The following FSD1L variants were observed in gnomAD, a reference collection of about 807,000 sequenced individuals.
The protein encoded by FSD1L is fibronectin type III and SPRY domain containing 1 like.
Under a neutral mutation model 71.6 loss-of-function variants are expected in FSD1L, and 45 were observed. The ratio of observed to expected loss-of-function variants is 0.63; its 90% CI spans 0.49 to 0.81. FSD1L has a LOEUF of 0.81. FSD1L is among the 30% of genes least tolerant of loss of function. The pLI is 0.00. For missense variants in FSD1L, 561 were observed against 618.1 expected (o/e 0.91, Z 0.98); for synonymous variants, 197 against 207.2 (o/e 0.95, Z 0.42).
At chr9:105,465,782 T>A (rs1487584493) in intron 3 of FSD1L, among the ~76,000 whole-genome samples, 1 of 152,004 alleles carries the variant, frequency 6.6e-6, no homozygotes, top group Non-Finnish European at 1.5e-5. Context: ...ATATGTATAA[T>A]AACAATCTCA....
chr9:105,449,941 G>T (rs967223961), intron 1 of FSD1L, among the ~76,000 whole-genome samples: 1 of 152,154 alleles, frequency 6.6e-6, no homozygotes, highest in African/African-American at 2.4e-5. Flanking sequence ...TAGTAGTAAT[G>T]TATCTTATTT....
intron 7 of FSD1L, among the ~76,000 whole-genome samples, chr9:105,494,082 A>G (rs1332565357): frequency 2.0e-5 from 3 of 152,338 alleles, no homozygotes; most frequent in African/African-American, 7.2e-5. Flanking sequence ...CCTGGATAAT[A>G]TCCTGCAGAG....
chr9:105,529,013 A>G lies in FSD1L; in HGVS notation c.1026-5480A>G, dbSNP rs115786719. 9.0e-3 allele frequency among the ~76,000 whole-genome samples: 1,377 copies of G among 152,358 alleles called. 22 individuals carry two copies. The highest frequency in any genetic ancestry group is 0.032 in the African/African-American group (1,320 of 41,582). On this transcript the variant is annotated intron_variant, in intron 10 of 13. Coordinates refer to ENST00000481272, the MANE Select transcript of FSD1L (RefSeq NM_001145313.3). ...AAACATATGCTAACAAAGATATTAAAAAAAATGCTCATCATCACTGGTCAT... is the reference window on the plus strand; with the variant it reads ...AAACATATGCTAACAAAGATATTAAGAAAAATGCTCATCATCACTGGTCAT...
chr9:105,533,414 A>ATTTTTTTTTTTTTTTTTTTTT (rs1271918066), intron 10 of FSD1L, among the ~76,000 whole-genome samples: 5 of 13,372 alleles, frequency 3.7e-4, no homozygotes, highest in Non-Finnish European at 5.0e-4. Flanking sequence ...TGCCATTTCC[A>ATTTTTTTTTTTTTTTTTTTTT]TCTTTTTTTT....
upstream of FSD1L, among the ~76,000 whole-genome samples, chr9:105,444,563 C>A (rs1829602043): frequency 6.6e-6 from 1 of 152,176 alleles, no homozygotes; most frequent in South Asian, 2.1e-4. Flanking sequence ...TGGCACCACT[C>A]AGAGAGGATA....
At chr9:105,524,553 C>G in intron 10 of FSD1L, 1 of 1,613,998 alleles carries the variant, frequency 6.2e-7, no homozygotes, top group Non-Finnish European at 8.5e-7. Context: ...TAAGGTTTTA[C>G]ATGGGTGTGT....
At chr9:105,472,407 A>T (rs1226214787) in intron 5 of FSD1L, 1 of 163,848 alleles carries the variant, frequency 6.1e-6, no homozygotes, top group Non-Finnish European at 1.3e-5. Flanking sequence ...TAAAAATGTA[A>T]AAAGTAGAGC....
chr9:105,536,410 C>G (rs1371702895), intron 12 of FSD1L, among the ~76,000 whole-genome samples: 1 of 152,156 alleles, frequency 6.6e-6, no homozygotes, highest in Non-Finnish European at 1.5e-5. Flanking sequence ...CTATGGCTGT[C>G]TAGTATGTCA....
At chr9:105,534,396 A>G (rs1836126251) in intron 10 of FSD1L, 97 bp from the exon 11 acceptor site, 2 of 640,160 alleles carry the variant, frequency 3.1e-6, no homozygotes, top group East Asian at 2.8e-5. Flanking sequence ...ATAATTAGAA[A>G]TCTTTTCAGA....
chr9:105,546,193 CT>C (rs2131545186), intron 13 of FSD1L, among the ~76,000 whole-genome samples, 164 bp from the exon 14 acceptor site: 1 of 151,410 alleles, frequency 6.6e-6, no homozygotes, highest in African/African-American at 2.4e-5. Flanking sequence ...TAAAATAATT[CT>C]GATTTAGTCT....
intron 7 of FSD1L, among the ~76,000 whole-genome samples, chr9:105,492,521 T>C (rs1301342794): frequency 6.6e-6 from 1 of 152,196 alleles, no homozygotes; most frequent in Non-Finnish European, 1.5e-5. Flanking sequence ...TTGATTTTAG[T>C]TATTTCTTGC....
chr9:105,509,937 A>G (rs979101902), intron 9 of FSD1L, among the ~76,000 whole-genome samples: 1 of 152,226 alleles, frequency 6.6e-6, no homozygotes, highest in Non-Finnish European at 1.5e-5. Context: ...TAGCCCATCA[A>G]GTAAAATTCA....
Position 105,548,068 on chromosome 9 carries a change from T to C in FSD1L, c.*1585T>C, listed in dbSNP as rs1346912169. The C allele has an allele frequency of 6.6e-6, 1 of 152,128 alleles. No individual in the cohort carries two copies. Among genetic ancestry groups the C allele is most frequent in the Non-Finnish European group, 1.5e-5 (1 of 67,978 alleles). 9.4% of individuals were successfully genotyped at this position (152,128 alleles called of 1,614,324 possible). A position where few individuals can be genotyped will look rare whatever the true frequency, so the allele number is the denominator to read the frequency against. ...TGTAAATGAGGAATTTTATTTGAAT[T>C]GGAATATTGTTTTTCTAGAGGACAT... is the stretch of plus-strand genomic sequence containing the variant. On this transcript the variant is annotated 3_prime_UTR_variant, in exon 14 of 14. Transcript: ENST00000481272.
At position 105,546,484 on chromosome 9, in the gene FSD1L, T is replaced by C; in HGVS notation, c.*1T>C. The C allele has an allele frequency of 1.3e-6, 2 of 1,539,192 alleles. No individual in the cohort carries two copies. Among genetic ancestry groups the C allele is most frequent in the Non-Finnish European group, 8.8e-7 (1 of 1,142,610 alleles). On this transcript the variant is annotated 3_prime_UTR_variant, in exon 14 of 14. Coordinates refer to ENST00000481272, the MANE Select transcript of FSD1L (RefSeq NM_001145313.3). ...CCTGAACAATGTTGTTACTCAATAG[T>C]GTCTACTCAGAATACGTTTACCCTC...
intron 10 of FSD1L, chr9:105,530,814 T>G: frequency 2.1e-6 from 1 of 482,554 alleles, no homozygotes; most frequent in Non-Finnish European, 3.7e-6. Context: ...TTTTTCAATT[T>G]AGTACTTTGG....
rs1336692797 is a variant in FSD1L at position 105,490,533 on chromosome 9, G to A, written c.586+6031G>A. 3.8e-3 allele frequency among the ~76,000 whole-genome samples: 570 copies of A among 150,128 alleles called. 6 individuals are homozygous for A. The highest frequency in any genetic ancestry group is 0.013 in the African/African-American group (518 of 40,566). On this transcript the variant is annotated intron_variant, in intron 7 of 13. Coordinates refer to ENST00000481272, the MANE Select transcript of FSD1L (RefSeq NM_001145313.3). Reference sequence around the variant, plus strand: ...AATTAGATCCCAGTTGTCAATTTTGGCTTTTGTTGCCATTGCTTTTGGTGT... The same window carrying A: ...AATTAGATCCCAGTTGTCAATTTTGACTTTTGTTGCCATTGCTTTTGGTGT...
chr9:105,527,881 T>A (rs1835623815), intron 10 of FSD1L, among the ~76,000 whole-genome samples: 1 of 152,146 alleles, frequency 6.6e-6, no homozygotes, highest in Admixed American at 6.5e-5. Context: ...GACATGATTG[T>A]ATATTTAGAA....
At chr9:105,533,414 A>ATTTTTTTTTTT (rs1271918066) in intron 10 of FSD1L, among the ~76,000 whole-genome samples, 58 of 13,322 alleles carry the variant, frequency 4.4e-3, no homozygotes, top group South Asian at 0.019. Context: ...TGCCATTTCC[A>ATTTTTTTTTTT]TCTTTTTTTT....
Position 105,547,584 on chromosome 9 carries a change from G to A in FSD1L, c.*1101G>A, listed in dbSNP as rs1837081004. 2 of 151,992 alleles carry A rather than the reference G, an allele frequency of 1.3e-5. No individual in the cohort carries two copies. The highest frequency in any genetic ancestry group is 4.1e-4 in the South Asian group (2 of 4,824). 9.4% of individuals were successfully genotyped at this position (151,992 alleles called of 1,614,324 possible). A position where few individuals can be genotyped will look rare whatever the true frequency, so the allele number is the denominator to read the frequency against. ...TTTTCAAGCAGCCATTCATTCAGAG[G>A]TTTGTTTTCTCTCAGTCCTTTTGCT... On this transcript the variant is annotated 3_prime_UTR_variant, in exon 14 of 14. Coordinates refer to ENST00000481272, the MANE Select transcript of FSD1L (RefSeq NM_001145313.3).
Sources: allele counts gnomAD v4.1 joint callset (sites outside exome capture counted in the v4.1 genomes callset), GRCh38; gene constraint gnomAD v4.1.1; transcripts MANE v1.5; gene names NCBI Gene and HGNC (gene_info 2026-07-23, HGNC 2026-07-21).